SRRT: variants seen among roughly 807,000 people sequenced by gnomAD.
SRRT encodes serrate RNA effector molecule homolog.
In SRRT, 32 loss-of-function variants were observed where a neutral mutation model predicts 103.2. The observed-to-expected ratio is 0.31, with a 90% CI of 0.23 to 0.42. The LOEUF is 0.42. SRRT is among the 10% of genes least tolerant of loss of function. SRRT has a pLI of 1.00. For synonymous variants in SRRT, 525 were observed against 449.0 expected (o/e 1.17, Z -2.14); for missense variants, 986 against 1,207.5 (o/e 0.82, Z 2.72).
chr7:100,884,438 G>A lies in SRRT; in HGVS notation c.828G>A (p.Gln276=), dbSNP rs1314584281. 6.2e-7 allele frequency: 1 copy of A among 1,613,630 alleles called. No individual in the cohort carries two copies. The highest frequency in any genetic ancestry group is 1.7e-5 in the Admixed American group (1 of 59,976). The change falls in exon 7 of 20, where the codon CAG becomes CAA. Residue 276 remains glutamine (Q), a synonymous_variant. Transcript: ENST00000611405. ...RILEQEEEEE[Q]AGKPGEPSKK... is the part of the protein sequence containing the mutation. ...TGGAGCAGGAGGAGGAGGAGGAGCAGGCAGGAAAGCCTGGGGAGCCCAGCA... is the reference window on the plus strand; with the variant it reads ...TGGAGCAGGAGGAGGAGGAGGAGCAAGCAGGAAAGCCTGGGGAGCCCAGCA...
Position 100,881,759 on chromosome 7 carries a change from C to G in SRRT, c.352C>G (p.Pro118Ala). The stretch of plus-strand genomic sequence containing the variant: ...TGGCCCCCCTCAGCCCTGGGGCCAC[C>G]CTGACGTCCACATCATGCAGCACCA... ...TYGPPQPWGH[P>A]DVHIMQHHVL... The change falls in exon 4 of 20, where the codon CCT becomes GCT. Residue 118 changes from proline (P) to alanine (A), a missense_variant. Coordinates refer to ENST00000611405, the MANE Select transcript of SRRT (RefSeq NM_015908.6). The G allele has an allele frequency of 6.2e-7, 1 of 1,613,748 alleles. No homozygotes were observed. The highest frequency in any genetic ancestry group is 1.1e-5 in the South Asian group (1 of 91,078).
chr7:100,885,968 G>T lies in SRRT; in HGVS notation c.1458+27G>T. 6.2e-7 allele frequency: 1 copy of T among 1,610,694 alleles called. No homozygotes were observed. The highest frequency in any genetic ancestry group is 8.5e-7 in the Non-Finnish European group (1 of 1,177,534). On this transcript the variant is annotated intron_variant, in intron 12 of 19. Transcript: ENST00000611405. This position sits in a 1 kb window ranked among gnomAD's most constrained non-coding sequence, Gnocchi z 4.8. ...TGAGTGCTGGGGGTGGGACTGTGGG[G>T]AAGAGGAAGGGAGACTCTGTGCCAC...
At position 100,887,792 on chromosome 7, in the gene SRRT, C is replaced by T. The variant is rs1396217434; in HGVS notation, c.2259C>T (p.Phe753=). The change falls in exon 17 of 20, where the codon TTC becomes TTT. Residue 753 remains phenylalanine (F), a synonymous_variant. Coordinates refer to ENST00000611405, the MANE Select transcript of SRRT (RefSeq NM_015908.6). This position sits in a 1 kb window ranked among gnomAD's most constrained non-coding sequence, Gnocchi z 4.1. ...AGGAAGTCGCGTTTTTTAACAACTT[C>T]CTCACTGATGCTAAGCGCCCAGCTC... ...VKKEVAFFNN[F]LTDAKRPALP... The T allele has an allele frequency of 5.0e-6, 8 of 1,613,500 alleles. No individual in the cohort carries two copies. Among genetic ancestry groups the T allele is most frequent in the East Asian group, 2.2e-5 (1 of 44,864 alleles).
At position 100,886,133 on chromosome 7, in the gene SRRT, G is replaced by C. The variant is rs142835394; in HGVS notation, c.1459-114G>C. 66 of 1,332,660 alleles carry C rather than the reference G, an allele frequency of 5.0e-5. No individual in the cohort carries two copies. In the East Asian group the frequency reaches 1.3e-3, roughly 27 times the overall value. The allele number at this position is 1,332,660 out of a possible 1,614,324, so 82.6% of individuals were successfully genotyped here. ...GGAACCTATGTGGTCCCCGTCCCCA[G>C]GGAGCTCGCAGTCTGATCAATCGCT... On this transcript the variant is annotated intron_variant, in intron 12 of 19. Transcript: ENST00000611405.
chr7:100,881,829 AG>A (rs1563015623), intron 4 of SRRT, 24 bp downstream of exon 4: 1 of 1,574,636 alleles, frequency 6.4e-7, no homozygotes, highest in South Asian at 1.2e-5. Context: ...TTCTCAGAAG[AG>A]GGTTGGTAGG....
Position 100,884,779 on chromosome 7 carries a change from T to G in SRRT, c.982T>G (p.Ser328Ala), listed in dbSNP as rs751698942. 38 of 1,612,878 alleles carry G rather than the reference T, an allele frequency of 2.4e-5. No homozygotes were observed. Among genetic ancestry groups the G allele is most frequent in the Non-Finnish European group, 3.2e-5 (38 of 1,179,752 alleles). ...TTCTAATGATGACAAAACAAAGAAG[T>G]CGGAGGGTGATGGGGACAAGGAAGA... Reference protein sequence around the residue: ...DSSNDDKTKKSEGDGDKEEKK... With the variant: ...DSSNDDKTKKAEGDGDKEEKK... The change falls in exon 8 of 20, where the codon TCG becomes GCG. Residue 328 changes from serine (S) to alanine (A), a missense_variant. Coordinates refer to ENST00000611405, the MANE Select transcript of SRRT (RefSeq NM_015908.6).
rs1217903001 is a variant in SRRT, at chr7:100,887,914, C to T, written c.2326+55C>T. On this transcript the variant is annotated intron_variant, in intron 17 of 19. Coordinates refer to ENST00000611405, the MANE Select transcript of SRRT (RefSeq NM_015908.6). The surrounding 1 kb of genome is among the most constrained non-coding windows in gnomAD (Gnocchi z 4.1). Reference sequence around the variant, plus strand: ...GCCCTCTTCCTTGACTACCCAGGGACTCCTGTTTCTCTTTAACGTGTCACC... The same window carrying T: ...GCCCTCTTCCTTGACTACCCAGGGATTCCTGTTTCTCTTTAACGTGTCACC... The T allele has an allele frequency of 5.7e-6, 9 of 1,565,678 alleles. No individual in the cohort carries two copies. The highest frequency in any genetic ancestry group is 7.8e-6 in the Non-Finnish European group (9 of 1,151,792).
chr7:100,886,697 A>G, intron 13 of SRRT, 98 bp from the exon 14 acceptor site: 1 of 1,379,820 alleles, frequency 7.2e-7, no homozygotes, highest in Non-Finnish European at 1.0e-6. Flanking sequence ...ATGTCCGGTG[A>G]ACTCCTGTCC....
chr7:100,884,917 A>T lies in SRRT; in HGVS notation c.1042-6A>T. On this transcript the variant is annotated splice_polypyrimidine_tract_variant and splice_region_variant and intron_variant, in intron 8 of 19. Transcript: ENST00000611405. Reference sequence around the variant, plus strand: ...TGACTTGTCCCCTCTGCTGTGGCTCACACAGAGTAGCAAGAAGCGGAACCG... The same window carrying T: ...TGACTTGTCCCCTCTGCTGTGGCTCTCACAGAGTAGCAAGAAGCGGAACCG... 6.2e-7 allele frequency: 1 copy of T among 1,614,024 alleles called. No homozygotes were observed. The highest frequency in any genetic ancestry group is 8.5e-7 in the Non-Finnish European group (1 of 1,179,966).
In SRRT at chr7:100,887,092, GATT is replaced by G; in HGVS notation, c.1872_1874del (p.Tyr625del). 6.2e-7 allele frequency: 1 copy of G among 1,614,190 alleles called. No homozygotes were observed. The highest frequency in any genetic ancestry group is 2.2e-5 in the East Asian group (1 of 44,872). On this transcript the variant is annotated inframe_deletion, in exon 15 of 20. Transcript: ENST00000611405. The surrounding 1 kb of genome is among the most constrained non-coding windows in gnomAD (Gnocchi z 4.1). ...TTACCTGCGCATCGTGCATTCCTTG[GATT>G]ATTACAACACCTGTGAGTACCCCAA... is the stretch of plus-strand genomic sequence containing the variant.
In SRRT at chr7:100,884,751, C is replaced by T; in HGVS notation, c.954C>T (p.Asp318=). 3 of 1,613,834 alleles carry T rather than the reference C, an allele frequency of 1.9e-6. No individual in the cohort carries two copies. The highest frequency in any genetic ancestry group is 1.1e-5 in the South Asian group (1 of 91,068). ...GTCTCTTACCATAGGCTGAGAATGA[C>T]AGTTCTAATGATGACAAAACAAAGA... The part of the protein sequence containing the change: ...KKEDGKQAEN[D]SSNDDKTKKS... Residue 318 remains aspartate, a synonymous_variant, in exon 8 of 20, where the codon GAC becomes GAT. Transcript: ENST00000611405.
At chr7:100,876,239 C>T (rs1332150679) in intron 2 of SRRT, among the ~76,000 whole-genome samples, 1 of 152,206 alleles carries the variant, frequency 6.6e-6, no homozygotes, top group Non-Finnish European at 1.5e-5. Flanking sequence ...GCAACCTTCG[C>T]CTCTGGGGTT....
intron 13 of SRRT, 136 bp from the exon 14 acceptor site, chr7:100,886,659 A>G: frequency 9.1e-7 from 1 of 1,099,812 alleles, no homozygotes; most frequent in Non-Finnish European, 1.3e-6. Flanking sequence ...AATAAAGACA[A>G]ATCTCAAGGG....
chr7:100,875,324 C>A lies in SRRT; in HGVS notation c.-23C>A, dbSNP rs1020930236. ...CGCGAGTCCAACGGCCGCGGCCGCA[C>A]CAAGGTGGGGGAGGGGAGGAGCCTG... On this transcript the variant is annotated 5_prime_UTR_variant, in exon 1 of 20. Coordinates refer to ENST00000611405, the MANE Select transcript of SRRT (RefSeq NM_015908.6). 4.2e-6 allele frequency: 5 copies of A among 1,191,692 alleles called. No individual in the cohort carries two copies. Among genetic ancestry groups the A allele is most frequent in the Non-Finnish European group, 5.3e-6 (5 of 937,474 alleles). 73.8% of individuals were successfully genotyped at this position (1,191,692 alleles called of 1,614,324 possible). A position where few individuals can be genotyped will look rare whatever the true frequency, so the allele number is the denominator to read the frequency against.
In SRRT at chr7:100,887,568, A is replaced by AG; in HGVS notation, c.2169+57dup. Reference sequence around the variant, plus strand: ...CGGTGGTGGGAGGTGGGGTTGAGACAGGAAGCCCCCTGGGCAGGGGTGGGG... The same window carrying AG: ...CGGTGGTGGGAGGTGGGGTTGAGACAGGGAAGCCCCCTGGGCAGGGGTGGGG... On this transcript the variant is annotated intron_variant, in intron 16 of 19. Transcript: ENST00000611405. This position sits in a 1 kb window ranked among gnomAD's most constrained non-coding sequence, Gnocchi z 4.1. 3 of 1,595,378 alleles carry AG rather than the reference A, an allele frequency of 1.9e-6. No individual in the cohort carries two copies. The East Asian group carries it at 6.7e-5, about 36-fold the overall frequency.
chr7:100,888,266 T>G lies in SRRT; in HGVS notation c.2438T>G (p.Val813Gly). Residue 813 changes from valine (V) to glycine (G), a missense_variant, in exon 19 of 20, where the codon GTC becomes GGC. By Grantham distance (109) the Val-to-Gly change is moderately radical. Around this residue, in one of 6 missense-constraint regions of SRRT, gnomAD observed 178 missense variants for 189.6 expected, o/e 0.94. Coordinates refer to ENST00000611405, the MANE Select transcript of SRRT (RefSeq NM_015908.6). ...PPILGYGAGAVRPAVPTGGPP... is the reference protein window; with the variant it reads ...PPILGYGAGAGRPAVPTGGPP... The stretch of plus-strand genomic sequence containing the variant: ...CTGATCTCTGTCATAGCTGGTGCTG[T>G]CCGCCCTGCAGTCCCCACAGGAGGC... The G allele has an allele frequency of 3.7e-6, 6 of 1,608,600 alleles. No individual in the cohort carries two copies. The highest frequency in any genetic ancestry group is 5.1e-6 in the Non-Finnish European group (6 of 1,175,904).
intron 2 of SRRT, among the ~76,000 whole-genome samples, chr7:100,878,905 C>CTTTCTTTTCT (rs879758743): frequency 6.6e-6 from 1 of 151,622 alleles, no homozygotes; most frequent in Admixed American, 6.6e-5. Flanking sequence ...TTTTCTTTTC[C>CTTTCTTTTCT]TTTCTTTTCT....
At position 100,888,241 on chromosome 7, in the gene SRRT, C is replaced by T. The variant is rs768697353; in HGVS notation, c.2429-16C>T. 14 of 1,605,222 alleles carry T rather than the reference C, an allele frequency of 8.7e-6. No homozygotes were observed. Among genetic ancestry groups the T allele is most frequent in the Non-Finnish European group, 1.2e-5 (14 of 1,174,074 alleles). On this transcript the variant is annotated splice_polypyrimidine_tract_variant and intron_variant, in intron 18 of 19. Transcript: ENST00000611405. The stretch of plus-strand genomic sequence containing the variant: ...GAGGACATAGTTTTGCAACTCAACA[C>T]TGATCTCTGTCATAGCTGGTGCTGT...
rs1584744482 is a variant in SRRT, at chr7:100,882,493, C to T, written c.587+252C>T. The T allele has an allele frequency of 1.9e-5, 8 of 414,998 alleles. No homozygotes were observed. The East Asian group carries it at 3.5e-4, about 18-fold the overall frequency. The allele number at this position is 414,998 out of a possible 1,614,324, so 25.7% of individuals were successfully genotyped here. ...ACCTCCAGGCAGCAGGCCAGAGCCACTTGGCCCCTTGGGGCAGCAGACAGA... is the reference window on the plus strand; with the variant it reads ...ACCTCCAGGCAGCAGGCCAGAGCCATTTGGCCCCTTGGGGCAGCAGACAGA... On this transcript the variant is annotated intron_variant, in intron 5 of 19. Coordinates refer to ENST00000611405, the MANE Select transcript of SRRT (RefSeq NM_015908.6). This position sits in a 1 kb window ranked among gnomAD's most constrained non-coding sequence, Gnocchi z 4.2.
Sources: gnomAD v4.1 joint callset for allele counts (sites outside exome capture counted in the v4.1 genomes callset) on GRCh38, gnomAD v4.1.1 for gene constraint, gnomAD v4.1.1 regional missense constraint, Gnocchi (gnomAD v3.1) non-coding constraint, MANE v1.5 for transcripts, NCBI Gene and HGNC (gene_info 2026-07-23, HGNC 2026-07-21) for gene names.